Variants in UNC13A observed in about 807,000 individuals in gnomAD.
UNC13A encodes unc-13 homolog A.
UNC13A carries 61 observed loss-of-function variants against 219.7 expected under a neutral mutation model. The ratio of observed to expected loss-of-function variants is 0.28; its 90% confidence interval spans 0.23 to 0.34. UNC13A has a LOEUF of 0.34. UNC13A is among the 10% of genes least tolerant of loss of function. The pLI, the probability that UNC13A is intolerant of heterozygous loss-of-function variation, is 1.00. For missense variants in UNC13A, 1,476 were observed against 2,270.3 expected (o/e 0.65, Z 7.11); for synonymous variants, 920 against 884.6 (o/e 1.04, Z -0.71).
At chr19:17,621,046 C>T (rs376391469) in intron 37 of UNC13A, among the ~76,000 whole-genome samples, 8 of 152,234 alleles carry the variant, frequency 5.3e-5, no homozygotes, top group African/African-American at 1.9e-4. Context: ...TCTGTCTCCT[C>T]CTCCATTCCC....
chr19:17,611,004 A>T (rs985958894), intron 42 of UNC13A, among the ~76,000 whole-genome samples: 5 of 152,224 alleles, frequency 3.3e-5, no homozygotes, highest in African/African-American at 1.2e-4. Context: ...CAGCGCTCCA[A>T]CCTGGGCAAC....
intron 7 of UNC13A, among the ~76,000 whole-genome samples, chr19:17,665,038 A>G (rs2079616077): frequency 6.6e-6 from 1 of 152,164 alleles, no homozygotes; most frequent in Non-Finnish European, 1.5e-5. Context: ...CATCTCTACT[A>G]AAAATACAAA....
chr19:17,641,977 C>T (rs1452300416), intron 20 of UNC13A, among the ~76,000 whole-genome samples: 1 of 151,924 alleles, frequency 6.6e-6, no homozygotes, highest in Non-Finnish European at 1.5e-5. Context: ...ATAGTTCAAC[C>T]ACACATCCTT....
At chr19:17,653,410 C>T (rs533372182) in intron 11 of UNC13A, among the ~76,000 whole-genome samples, 1 of 151,694 alleles carries the variant, frequency 6.6e-6, no homozygotes, top group South Asian at 2.1e-4. Context: ...TGCAGTGGCG[C>T]AATCTCAGCT....
At chr19:17,669,813 GTCCTTCCTTCCTTCCCT>G (rs2079743711) in intron 4 of UNC13A, 137 bp from the exon 5 acceptor site, 2 of 1,037,492 alleles carry the variant, frequency 1.9e-6, no homozygotes, top group African/African-American at 3.3e-5. Context: ...CTTTCCTTCC[GTCCTTCCTTCCTTCCCT>G]TCCTTCCTTC....
intron 29 of UNC13A, 105 bp downstream of exon 29, chr19:17,630,549 A>G: frequency 1.6e-6 from 2 of 1,280,674 alleles, no homozygotes; most frequent in Non-Finnish European, 1.1e-6. Context: ...CAAGACAAAG[A>G]TGGCGGACAC....
chr19:17,666,193 CTCTCTTTCTT>C (rs1055085612), intron 7 of UNC13A, among the ~76,000 whole-genome samples: 3 of 38,714 alleles, frequency 7.7e-5, no homozygotes, highest in Non-Finnish European at 1.3e-4. Flanking sequence ...CTCTCTCTTT[CTCTCTTTCTT>C]TCTCTTTCTT....
rs201361019 is a variant in UNC13A at position 17,645,810 on chromosome 19, C to T, written c.2220G>A (p.Val740=). The change falls in exon 19 of 44, where the codon GTG becomes GTA. Residue 740 remains valine (V), a synonymous_variant. Transcript: ENST00000519716. Reference sequence around the variant, plus strand: ...TGTCGTCATCCTCGTCCCAGACGCGCACCTTGATGCGGTCGGAGGAATTGT... The same window carrying T: ...TGTCGTCATCCTCGTCCCAGACGCGTACCTTGATGCGGTCGGAGGAATTGT... ...ECHNSSDRIK[V]RVWDEDDDIK... is the part of the protein sequence containing the mutation. 1.1e-3 allele frequency: 1,841 copies of T among 1,612,856 alleles called. 6 individuals carry two copies. Among genetic ancestry groups the T allele is most frequent in the Non-Finnish European group, 1.5e-3 (1,729 of 1,179,420 alleles).
At chr19:17,639,936 G>A (rs759487411) in intron 22 of UNC13A, 28 bp from the exon 23 acceptor site, 9 of 1,612,706 alleles carry the variant, frequency 5.6e-6, no homozygotes, top group Non-Finnish European at 6.8e-6. Context: ...GAGGGAGGAT[G>A]GATGGAGGCA....
At chr19:17,653,819 CTCT>C (rs1459380707) in intron 11 of UNC13A, among the ~76,000 whole-genome samples, 11 of 118,578 alleles carry the variant, frequency 9.3e-5, no homozygotes, top group African/African-American at 3.6e-4. Context: ...GATATCACTT[CTCT>C]TTTTTTTTTT....
chr19:17,635,109 G>A (rs190087613), intron 26 of UNC13A, among the ~76,000 whole-genome samples: 336 of 151,898 alleles, frequency 2.2e-3, no homozygotes, highest in African/African-American at 7.5e-3. Context: ...CTCATGATCC[G>A]CCTGCCTCGG....
chr19:17,615,787 A>C (rs558345718), intron 41 of UNC13A, among the ~76,000 whole-genome samples: 1 of 152,312 alleles, frequency 6.6e-6, no homozygotes, highest in East Asian at 1.9e-4. Context: ...CAGCCTGGGC[A>C]ACAAAGTGAG....
At chr19:17,682,870 C>A (rs1381974238) in intron 1 of UNC13A, among the ~76,000 whole-genome samples, 1 of 152,100 alleles carries the variant, frequency 6.6e-6, no homozygotes, top group Non-Finnish European at 1.5e-5. Context: ...TCGAGGCCAG[C>A]CTGGCTAGCA....
At chr19:17,664,438 A>G (rs1253313677) in intron 7 of UNC13A, among the ~76,000 whole-genome samples, 1 of 152,174 alleles carries the variant, frequency 6.6e-6, no homozygotes, top group African/African-American at 2.4e-5. Flanking sequence ...ACTTCAGAAA[A>G]ATGTCCTGGA....
Position 17,606,054 on chromosome 19 carries a change from CTAAGGCGCAGGCG to C in UNC13A, c.5099_5111del (p.Ala1700GlyfsTer48). Reference sequence around the variant, plus strand: ...AGTGCCGCTCGGCCGACCGCCCGCGCTAAGGCGCAGGCGCGGCACCGCCCTCCTCGGCGGAGCG... The same window carrying C: ...AGTGCCGCTCGGCCGACCGCCCGCGCCGGCACCGCCCTCCTCGGCGGAGCG... On this transcript the variant is annotated frameshift_variant and stop_lost, in exon 44 of 44. Transcript: ENST00000519716. LOFTEE classifies it high-confidence loss of function. 1 of 1,544,320 alleles carries C rather than the reference CTAAGGCGCAGGCG, an allele frequency of 6.5e-7. No homozygotes were observed. Among genetic ancestry groups the C allele is most frequent in the Non-Finnish European group, 8.7e-7 (1 of 1,151,240 alleles).
chr19:17,633,166 T>C lies in UNC13A; in HGVS notation c.3243A>G (p.Lys1081=), dbSNP rs1254391389. 1 of 1,613,996 alleles carries C rather than the reference T, an allele frequency of 6.2e-7. No homozygotes were observed. The highest frequency in any genetic ancestry group is 1.7e-5 in the Admixed American group (1 of 59,994). The change falls in exon 27 of 44, where the codon AAA becomes AAG. Residue 1081 remains lysine (K), a synonymous_variant. Coordinates refer to ENST00000519716, the MANE Select transcript of UNC13A (RefSeq NM_001080421.3). ...GATTCCACATCACTTCAGCGCTGAT[T>C]TTACCCACATTCAGCTCCTGGGGAA... ...NQFPQELNVG[K]ISAEVMWNLF... is the part of the protein sequence containing the mutation.
At chr19:17,634,563 C>T (rs1289992646) in intron 26 of UNC13A, among the ~76,000 whole-genome samples, 1 of 152,200 alleles carries the variant, frequency 6.6e-6, no homozygotes, top group East Asian at 1.9e-4. Flanking sequence ...TGGTCTCAAA[C>T]TCCTGACCTC....
intron 19 of UNC13A, 67 bp downstream of exon 19, chr19:17,645,607 G>T: frequency 6.3e-7 from 1 of 1,592,056 alleles, no homozygotes. Context: ...TGCTCTTCGT[G>T]GGCTCCATGC....
chr19:17,645,370 T>C (rs4541187), intron 19 of UNC13A, among the ~76,000 whole-genome samples: 28,129 of 151,962 alleles, frequency 0.19, 2,609 homozygotes, highest in Middle Eastern at 0.22. Context: ...TCTCTGTCTC[T>C]CCCCTCAGAC....
Sources: allele counts gnomAD v4.1 joint callset (sites outside exome capture counted in the v4.1 genomes callset), GRCh38; gene constraint gnomAD v4.1.1; transcripts MANE v1.5; gene names NCBI Gene and HGNC (gene_info 2026-07-23, HGNC 2026-07-21).